Variants in DPP10 observed in about 807,000 individuals in gnomAD.
The protein encoded by DPP10 is inactive dipeptidyl peptidase 10.
In DPP10, 33 loss-of-function variants were observed where a neutral mutation model predicts 120.9. The observed-to-expected ratio is 0.27, with a 90% CI of 0.21 to 0.37. DPP10 has a LOEUF of 0.37. Among genes scored for constraint, DPP10 ranks in the 10% least tolerant of loss-of-function variants. DPP10 has a pLI of 1.00. For synonymous variants in DPP10, 337 were observed against 326.1 expected (o/e 1.03, Z -0.36); for missense variants, 816 against 942.8 (o/e 0.87, Z 1.76).
intron 1 of DPP10, among the ~76,000 whole-genome samples, chr2:115,155,427 T>G (rs2051846724): frequency 6.6e-6 from 1 of 152,182 alleles, no homozygotes; most frequent in African/African-American, 2.4e-5. Flanking sequence ...GGAAGAGGAC[T>G]GCCCATTTGT....
chr2:114,964,890 T>C (rs1432391861), intron 1 of DPP10, among the ~76,000 whole-genome samples: 2 of 152,194 alleles, frequency 1.3e-5, no homozygotes, highest in Admixed American at 1.3e-4. Context: ...AATTCAGTTG[T>C]GAAATGATTT....
intron 1 of DPP10, among the ~76,000 whole-genome samples, chr2:114,825,187 G>A (rs909355633): frequency 3.3e-5 from 5 of 152,200 alleles, no homozygotes; most frequent in Admixed American, 1.3e-4. Context: ...TGTAGGCTCC[G>A]AGAGTGACTA....
intron 1 of DPP10, among the ~76,000 whole-genome samples, chr2:115,309,024 G>A (rs752654639): frequency 5.3e-5 from 8 of 152,014 alleles, no homozygotes; most frequent in Non-Finnish European, 8.8e-5. Flanking sequence ...AGCATAAAAC[G>A]CTGCTGGTTT....
intron 5 of DPP10, among the ~76,000 whole-genome samples, chr2:115,568,951 T>C (rs2081183460): frequency 6.6e-6 from 1 of 152,234 alleles, no homozygotes; most frequent in Admixed American, 6.5e-5. Flanking sequence ...GTTTCCTTGG[T>C]GTCAATATTC....
chr2:114,922,744 AC>A (rs1227174138), intron 1 of DPP10, among the ~76,000 whole-genome samples: 1 of 152,184 alleles, frequency 6.6e-6, no homozygotes, highest in African/African-American at 2.4e-5. Flanking sequence ...AAACTGATGA[AC>A]AATATTATAT....
At chr2:115,483,228 T>G (rs1325038976) in intron 3 of DPP10, among the ~76,000 whole-genome samples, 2 of 152,152 alleles carry the variant, frequency 1.3e-5, no homozygotes, top group African/African-American at 4.8e-5. Flanking sequence ...ATTTTTAATA[T>G]GTATTATAGT....
intron 3 of DPP10, among the ~76,000 whole-genome samples, chr2:115,344,215 T>G (rs2106262883): frequency 6.6e-6 from 1 of 152,284 alleles, no homozygotes; most frequent in South Asian, 2.1e-4. Flanking sequence ...TGGGTATTAT[T>G]TAAATTAAAA....
At chr2:115,012,594 A>G (rs1292395351) in intron 1 of DPP10, among the ~76,000 whole-genome samples, 2 of 152,190 alleles carry the variant, frequency 1.3e-5, no homozygotes, top group East Asian at 1.9e-4. Context: ...AAGTATCACT[A>G]TAGTTTGGCT....
chr2:115,368,209 G>GAA (rs2065192301), intron 3 of DPP10, among the ~76,000 whole-genome samples: 1 of 152,100 alleles, frequency 6.6e-6, no homozygotes, highest in African/African-American at 2.4e-5. Context: ...GACAGAGAGA[G>GAA]AAATATAGGA....
At chr2:115,452,313 A>T (rs1416552310) in intron 3 of DPP10, among the ~76,000 whole-genome samples, 1 of 151,922 alleles carries the variant, frequency 6.6e-6, no homozygotes, top group East Asian at 1.9e-4. Context: ...GACCTATGAA[A>T]GTGCTGTAGC....
chr2:115,674,905 T>C (rs2090150890), intron 5 of DPP10, among the ~76,000 whole-genome samples: 1 of 152,194 alleles, frequency 6.6e-6, no homozygotes. Context: ...TTCCATTCTC[T>C]CTTGAACAAC....
rs535034914 is a variant in DPP10, at chr2:115,117,904, T to C, written c.61-191335T>C. ...AGACACCTTCAGAGTAATCATATTGTGGAGAGCATGGATGAACATCTAAGA... is the reference window on the plus strand; with the variant it reads ...AGACACCTTCAGAGTAATCATATTGCGGAGAGCATGGATGAACATCTAAGA... On this transcript the variant is annotated intron_variant, in intron 1 of 25. Transcript: ENST00000410059. 7.2e-5 allele frequency among the ~76,000 whole-genome samples: 11 copies of C among 152,308 alleles called. No homozygotes were observed. The South Asian group carries it at 2.3e-3, about 32-fold the overall frequency.
At chr2:114,534,043 T>G (rs1216207068) in intron 1 of DPP10, among the ~76,000 whole-genome samples, 2 of 152,268 alleles carry the variant, frequency 1.3e-5, no homozygotes, top group Non-Finnish European at 2.9e-5. Context: ...CATACTTTGT[T>G]CTACTTTACA....
At chr2:114,814,869 C>T (rs1295443996) in intron 1 of DPP10, among the ~76,000 whole-genome samples, 2 of 152,172 alleles carry the variant, frequency 1.3e-5, no homozygotes, top group African/African-American at 4.8e-5. Flanking sequence ...TGCTGTCCAG[C>T]TGAAGATTAA....
At chr2:115,535,184 G>A (rs906142531) in intron 5 of DPP10, among the ~76,000 whole-genome samples, 1 of 151,896 alleles carries the variant, frequency 6.6e-6, no homozygotes, top group Admixed American at 6.6e-5. Flanking sequence ...TGAAGTCCTC[G>A]CCCATGCCTA....
rs1491280011 is a variant in DPP10, at chr2:115,711,915, G to GTTTTTTTTTTTTT, written c.577-15901_577-15900insTTTTTTTTTTTTT. Among the ~76,000 whole-genome samples the GTTTTTTTTTTTTT allele has an allele frequency of 1.1e-4, 11 of 96,986 alleles. 5 individuals carry two copies. The highest frequency in any genetic ancestry group is 7.1e-4 in the South Asian group (2 of 2,834). The allele number at this position is 96,986 out of a possible 152,430, so 63.6% of individuals were successfully genotyped here. A position where few individuals can be genotyped will look rare whatever the true frequency, so the allele number is the denominator to read the frequency against. On this transcript the variant is annotated intron_variant, in intron 7 of 25. Coordinates refer to ENST00000410059, the MANE Select transcript of DPP10 (RefSeq NM_020868.6). ...GAATATTGGACCTATAAAATGGTCTGGTTTTTTTTTTTTTTTTTTTTTTGG... is the reference window on the plus strand; with the variant it reads ...GAATATTGGACCTATAAAATGGTCTGTTTTTTTTTTTTTGTTTTTTTTTTTTTTTTTTTTTTGG...
intron 1 of DPP10, among the ~76,000 whole-genome samples, chr2:114,610,072 T>C (rs1047169874): frequency 6.6e-6 from 1 of 152,228 alleles, no homozygotes; most frequent in Non-Finnish European, 1.5e-5. Context: ...GCTCAGTATT[T>C]CACGGGAACA....
rs891008356 is a variant in DPP10 at position 115,843,013 on chromosome 2, C to T, written c.*668C>T. 2 of 152,464 alleles carry T rather than the reference C, an allele frequency of 1.3e-5. No individual in the cohort carries two copies. The highest frequency in any genetic ancestry group is 2.4e-5 in the African/African-American group (1 of 41,388). 9.4% of individuals were successfully genotyped at this position (152,464 alleles called of 1,614,324 possible). ...CTCACAATATATATACACAAGTGTG[C>T]ATATACAGTTAATGAAACTATCTTT... On this transcript the variant is annotated 3_prime_UTR_variant, in exon 26 of 26. Coordinates refer to ENST00000410059, the MANE Select transcript of DPP10 (RefSeq NM_020868.6).
chr2:115,448,048 A>C (rs2072771415), intron 3 of DPP10, among the ~76,000 whole-genome samples: 1 of 152,226 alleles, frequency 6.6e-6, no homozygotes, highest in African/African-American at 2.4e-5. Flanking sequence ...AACATTGTTT[A>C]AGTTCGACAG....
Sources: allele counts gnomAD v4.1 joint callset (sites outside exome capture counted in the v4.1 genomes callset), GRCh38; gene constraint gnomAD v4.1.1; transcripts MANE v1.5; gene names NCBI Gene and HGNC (gene_info 2026-07-23, HGNC 2026-07-21).